KLHL25: variants seen among roughly 807,000 people sequenced by gnomAD.
KLHL25 encodes the protein kelch like family member 25, also known as kelch-like protein 25.
KLHL25 carries 41 observed loss-of-function variants against 30.0 expected under a neutral mutation model. The observed-to-expected ratio is 1.37, with a 90% CI of 1.07 to 1.78. The LOEUF (loss-of-function observed/expected upper bound fraction) is 1.78, where lower values mean the gene tolerates loss of function less well. KLHL25 is among the 40% of genes most tolerant of loss of function. The pLI is 0.00. For missense variants in KLHL25, 971 were observed against 824.5 expected, an observed-to-expected ratio of 1.18 and a Z score of -2.18; for synonymous variants, 399 against 355.3, an observed-to-expected ratio of 1.12 and a Z score of -1.38.
intron 1 of KLHL25, among the ~76,000 whole-genome samples, chr15:85,776,735 C>A (rs1316749517): frequency 6.6e-6 from 1 of 151,786 alleles, no homozygotes; most frequent in Non-Finnish European, 1.5e-5. Flanking sequence ...ACCATCCTGG[C>A]TAACACAGTG....
At chr15:85,786,334 T>A (rs1257650087) in intron 1 of KLHL25, among the ~76,000 whole-genome samples, 1 of 152,170 alleles carries the variant, frequency 6.6e-6, no homozygotes, top group Non-Finnish European at 1.5e-5. Flanking sequence ...CAAACCTGGA[T>A]GTTGCTTCCT....
Position 85,768,438 on chromosome 15 carries a change from A to G in KLHL25, c.1373T>C (p.Met458Thr). ...GTCATAGCACTGGACCTTGGACACC[A>G]TGTCCCGGTGGATGCTGGTTCCTCC... ...VFGGTSIHRD[M>T]VSKVQCYDPS... is the part of the protein sequence containing the mutation. The change falls in exon 2 of 3, where the codon ATG becomes ACG. Residue 458 changes from methionine to threonine, a missense_variant. Coordinates refer to ENST00000337975, the MANE Select transcript of KLHL25 (RefSeq NM_022480.4). 1.9e-6 allele frequency: 3 copies of G among 1,613,364 alleles called. No individual in the cohort carries two copies. The highest frequency in any genetic ancestry group is 2.5e-6 in the Non-Finnish European group (3 of 1,179,748).
rs778852495 is a variant in KLHL25 at position 85,769,689 on chromosome 15, T to C, written c.122A>G (p.Lys41Arg). Residue 41 changes from lysine (K) to arginine (R), a missense_variant, in exon 2 of 3, where the codon AAG becomes AGG. Lys to Arg is a conservative substitution (Grantham distance 26). Coordinates refer to ENST00000337975, the MANE Select transcript of KLHL25 (RefSeq NM_022480.4). ...CVLAHLNTLR[K>R]HCMFTDVTLW... Reference sequence around the variant, plus strand: ...TGTGACGTCGGTGAACATGCAGTGCTTGCGAAGCGTGTTGAGGTGGGCCAG... The same window carrying C: ...TGTGACGTCGGTGAACATGCAGTGCCTGCGAAGCGTGTTGAGGTGGGCCAG... The C allele has an allele frequency of 3.5e-5, 57 of 1,613,834 alleles. No individual in the cohort carries two copies. The highest frequency in any genetic ancestry group is 4.4e-5 in the Non-Finnish European group (52 of 1,180,034).
In KLHL25 at chr15:85,768,938, G is replaced by C. The variant is rs201019881; in HGVS notation, c.873C>G (p.Arg291=). The C allele has an allele frequency of 3.7e-6, 6 of 1,613,194 alleles. No homozygotes were observed. Among genetic ancestry groups the C allele is most frequent in the Non-Finnish European group, 8.5e-7 (1 of 1,180,044 alleles). ...GGATGAGTAGCGTGTGGCCCGCCTT[G>C]CGTGGCCGGGCACAGGGGCTGGTGA... ...GVVTSPCARP[R]KAGHTLLILG... The change falls in exon 2 of 3, where the codon CGC becomes CGG. Residue 291 remains arginine, a synonymous_variant. Transcript: ENST00000337975.
intron 1 of KLHL25, among the ~76,000 whole-genome samples, chr15:85,774,570 G>A (rs897062513): frequency 2.6e-5 from 4 of 152,158 alleles, no homozygotes; most frequent in Admixed American, 1.3e-4. Flanking sequence ...ATAGGAACCC[G>A]GATGCCATCA....
At chr15:85,791,332 C>T (rs2089815463) in intron 1 of KLHL25, among the ~76,000 whole-genome samples, 1 of 150,714 alleles carries the variant, frequency 6.6e-6, no homozygotes, top group African/African-American at 2.4e-5. Context: ...CCCGTCTCTA[C>T]AAAAATACAA....
intron 1 of KLHL25, among the ~76,000 whole-genome samples, chr15:85,792,990 C>T (rs2089827505): frequency 6.6e-6 from 1 of 152,122 alleles, no homozygotes; most frequent in Admixed American, 6.6e-5. Context: ...CAAGTCTGTT[C>T]AAACAATGAA....
chr15:85,761,626 T>A (rs1170647859), intron 2 of KLHL25: 1 of 151,406 alleles, frequency 6.6e-6, no homozygotes, highest in Non-Finnish European at 1.5e-5. Flanking sequence ...TCATGGGACT[T>A]CTCAGCCTCT....
intron 1 of KLHL25, among the ~76,000 whole-genome samples, chr15:85,784,969 A>C (rs574901512): frequency 5.9e-5 from 9 of 152,332 alleles, no homozygotes; most frequent in African/African-American, 2.2e-4. Context: ...TCTAGTCATA[A>C]TGTATAGACA....
intron 2 of KLHL25, among the ~76,000 whole-genome samples, chr15:85,765,452 C>T (rs1419955705): frequency 2.0e-5 from 3 of 151,836 alleles, no homozygotes; most frequent in Non-Finnish European, 4.4e-5. Context: ...ACGGTGAAAC[C>T]CCATCTCTAC....
rs369757302 is a variant in KLHL25, at chr15:85,768,799, T to C, written c.1012A>G (p.Ile338Val). ...SPRKEFSASA[I>V]GCKVYVTGGR... ...CCCGTCACATAGACCTTGCAGCCGA[T>C]CGCTGAGGCGCTGAACTCCTTCCGG... is the stretch of plus-strand genomic sequence containing the variant. The change falls in exon 2 of 3, where the codon ATC becomes GTC. Residue 338 changes from isoleucine (I) to valine (V), a missense_variant. By Grantham distance (29) the Ile-to-Val change is conservative. Transcript: ENST00000337975. 6.2e-7 allele frequency: 1 copy of C among 1,613,306 alleles called. No homozygotes were observed. The highest frequency in any genetic ancestry group is 8.5e-7 in the Non-Finnish European group (1 of 1,180,028).
At chr15:85,765,149 G>A (rs1311811534) in intron 2 of KLHL25, among the ~76,000 whole-genome samples, 1 of 152,196 alleles carries the variant, frequency 6.6e-6, no homozygotes, top group Non-Finnish European at 1.5e-5. Flanking sequence ...ACACTGCCCA[G>A]CCCGGCTGGC....
At chr15:85,787,365 G>C (rs570756932) in intron 1 of KLHL25, among the ~76,000 whole-genome samples, 91 of 152,248 alleles carry the variant, frequency 6.0e-4, no homozygotes, top group African/African-American at 2.0e-3. Flanking sequence ...AGAATCGCTT[G>C]AACCTGGGAG....
chr15:85,778,886 C>T (rs2089727022), intron 1 of KLHL25, among the ~76,000 whole-genome samples: 1 of 152,062 alleles, frequency 6.6e-6, no homozygotes, highest in South Asian at 2.1e-4. Flanking sequence ...CCCATGGTAC[C>T]CACTTCTCTC....
At position 85,766,601 on chromosome 15, in the gene KLHL25, C is replaced by T. The variant is rs528689474; in HGVS notation, c.*24+1416G>A. ...GATGAGACACTCCTCCCGCCCGTTC[C>T]TTCCCTTCACTGCAGGGTCTGCAGG... On this transcript the variant is annotated intron_variant, in intron 2 of 2. Coordinates refer to ENST00000337975, the MANE Select transcript of KLHL25 (RefSeq NM_022480.4). 1.0e-3 allele frequency among the ~76,000 whole-genome samples: 159 copies of T among 151,554 alleles called. 2 individuals are homozygous for T. Among genetic ancestry groups the T allele is most frequent in the Admixed American group, 7.8e-4 (12 of 15,296 alleles).
intron 1 of KLHL25, among the ~76,000 whole-genome samples, chr15:85,785,388 C>T (rs561545786): frequency 6.6e-6 from 1 of 152,196 alleles, no homozygotes; most frequent in Non-Finnish European, 1.5e-5. Context: ...CCACCACGCC[C>T]GGCCAACTGA....
chr15:85,791,164 C>T (rs180755338), intron 1 of KLHL25, among the ~76,000 whole-genome samples: 1 of 138,666 alleles, frequency 7.2e-6, no homozygotes, highest in East Asian at 2.2e-4. Context: ...CACTGCACTC[C>T]AGCCTGGGCT....
At chr15:85,786,701 C>T (rs973478896) in intron 1 of KLHL25, among the ~76,000 whole-genome samples, 1 of 152,232 alleles carries the variant, frequency 6.6e-6, no homozygotes, top group African/African-American at 2.4e-5. Context: ...GCAGACACCT[C>T]CCACCTAAGG....
intron 1 of KLHL25, among the ~76,000 whole-genome samples, chr15:85,775,979 C>G (rs1228486829): frequency 6.6e-6 from 1 of 151,534 alleles, no homozygotes; most frequent in Non-Finnish European, 1.5e-5. Flanking sequence ...CGAGACCAGC[C>G]TGGCCAACAT....
Sources: gnomAD v4.1 joint callset for allele counts (sites outside exome capture counted in the v4.1 genomes callset) on GRCh38, gnomAD v4.1.1 for gene constraint, MANE v1.5 for transcripts, NCBI Gene and HGNC (gene_info 2026-07-23, HGNC 2026-07-21) for gene names.